UNC80: variants seen among roughly 807,000 people sequenced by gnomAD.
The protein encoded by UNC80 is unc-80 subunit of NALCN channel complex, also known as protein unc-80 homolog.
A neutral mutation model predicts 384.6 loss-of-function variants in UNC80; 164 were observed. The ratio of observed to expected loss-of-function variants is 0.43; its 90% CI spans 0.38 to 0.49. The LOEUF (loss-of-function observed/expected upper bound fraction) is 0.49, where lower values mean the gene tolerates loss of function less well. Among genes scored for constraint, UNC80 ranks in the 20% least tolerant of loss-of-function variants. The pLI, the probability that UNC80 is intolerant of heterozygous loss-of-function variation, is 0.00. For missense variants in UNC80, 3,330 were observed against 4,143.0 expected, an observed-to-expected ratio of 0.80 and a Z score of 5.39; for synonymous variants, 1,486 against 1,527.8, an observed-to-expected ratio of 0.97 and a Z score of 0.64.
intron 21 of UNC80, among the ~76,000 whole-genome samples, chr2:209,846,319 CT>C (rs1322070842): frequency 6.6e-6 from 1 of 152,008 alleles, no homozygotes; most frequent in Non-Finnish European, 1.5e-5. Flanking sequence ...TCAGCTTTTT[CT>C]TTTGTGTTTT....
At chr2:209,901,249 G>A (rs1259556067) in intron 28 of UNC80, among the ~76,000 whole-genome samples, 1 of 152,174 alleles carries the variant, frequency 6.6e-6, no homozygotes, top group East Asian at 1.9e-4. Context: ...TCTCTTGTTA[G>A]GGGTTAATGC....
chr2:209,903,316 TTA>T (rs774307261), intron 28 of UNC80, among the ~76,000 whole-genome samples: 15 of 73,558 alleles, frequency 2.0e-4, no homozygotes, highest in East Asian at 9.0e-4. Flanking sequence ...ATATATTATA[TTA>T]TATGTGTGTG....
chr2:209,932,991 A>G (rs1373008858), intron 38 of UNC80, among the ~76,000 whole-genome samples: 3 of 152,184 alleles, frequency 2.0e-5, no homozygotes, highest in African/African-American at 7.2e-5. Context: ...CATAACTACA[A>G]AGTTTTCCAG....
At chr2:209,871,974 A>T (rs556462059) in intron 22 of UNC80, among the ~76,000 whole-genome samples, 1 of 145,556 alleles carries the variant, frequency 6.9e-6, no homozygotes, top group African/African-American at 2.5e-5. Flanking sequence ...TGACAAAATA[A>T]AAAAAAAAAG....
chr2:209,986,084 G>T (rs1345731753), intron 61 of UNC80, among the ~76,000 whole-genome samples: 1 of 152,166 alleles, frequency 6.6e-6, no homozygotes, highest in Admixed American at 6.5e-5. Context: ...CAGGAGCTTT[G>T]GGGGCAAGGA....
intron 22 of UNC80, among the ~76,000 whole-genome samples, chr2:209,871,972 T>TA (rs376722294): frequency 2.1e-3 from 308 of 144,296 alleles, no homozygotes; most frequent in South Asian, 0.012. Context: ...TATGACAAAA[T>TA]AAAAAAAAAA....
At chr2:209,830,499 C>G (rs1188611529) in intron 15 of UNC80, among the ~76,000 whole-genome samples, 2 of 152,072 alleles carry the variant, frequency 1.3e-5, no homozygotes, top group African/African-American at 4.8e-5. Context: ...CATCCCCTGT[C>G]AATTGGCATA....
chr2:209,817,750 A>G (rs2079846983), intron 10 of UNC80, 62 bp from the exon 11 acceptor site: 1 of 1,541,476 alleles, frequency 6.5e-7, no homozygotes, highest in Admixed American at 2.0e-5. Flanking sequence ...GAAAGACAAT[A>G]TCTTGGCAGA....
rs1267256792 is a variant in UNC80 at position 209,772,103 on chromosome 2, G to A, written c.31G>A (p.Glu11Lys). 2 of 1,549,528 alleles carry A rather than the reference G, an allele frequency of 1.3e-6. No homozygotes were observed. The highest frequency in any genetic ancestry group is 2.4e-5 in the South Asian group (2 of 84,012). ...GAAGAGGAAGAGCTCCGAGGGCCAG[G>A]AGCAGGACGGCGGCCGCGGCATCCC... is the stretch of plus-strand genomic sequence containing the variant. MVKRKSSEGQ[E>K]QDGGRGIPLP... is the part of the protein sequence containing the mutation. The change falls in exon 1 of 65, where the codon GAG becomes AAG. Residue 11 changes from glutamate to lysine, a missense_variant. Physicochemically the swap from Glu to Lys is moderately conservative, Grantham distance 56. Coordinates refer to ENST00000673920, the MANE Select transcript of UNC80 (RefSeq NM_001371986.1).
intron 7 of UNC80, among the ~76,000 whole-genome samples, chr2:209,799,083 G>C (rs993703113): frequency 1.7e-4 from 2 of 11,734 alleles, no homozygotes; most frequent in Non-Finnish European, 7.0e-4. Context: ...AATAAAATAA[G>C]TGTTTTTTTT....
chr2:209,837,919 C>T (rs1326649649), intron 18 of UNC80, among the ~76,000 whole-genome samples: 1 of 151,934 alleles, frequency 6.6e-6, no homozygotes, highest in South Asian at 2.1e-4. Context: ...CTACAGGCGC[C>T]CGCCACCGCA....
chr2:209,846,300 A>G (rs1320421056), intron 21 of UNC80, among the ~76,000 whole-genome samples: 3 of 152,146 alleles, frequency 2.0e-5, no homozygotes, highest in African/African-American at 7.2e-5. Flanking sequence ...TTGAAATTAC[A>G]TTCAGAAATC....
At chr2:209,914,481 G>A (rs2089287643) in intron 31 of UNC80, among the ~76,000 whole-genome samples, 1 of 152,152 alleles carries the variant, frequency 6.6e-6, no homozygotes, top group Non-Finnish European at 1.5e-5. Context: ...CAAAATACAC[G>A]TGATAAAAAT....
At chr2:209,815,428 A>T (rs2079662666) in intron 9 of UNC80, 37 bp downstream of exon 9, 1 of 1,537,208 alleles carries the variant, frequency 6.5e-7, no homozygotes, top group East Asian at 2.5e-5. Context: ...ATATTTTGGT[A>T]AATAAAAAAT....
intron 47 of UNC80, among the ~76,000 whole-genome samples, chr2:209,947,821 A>G (rs1214157405): frequency 6.6e-6 from 1 of 152,312 alleles, no homozygotes; most frequent in East Asian, 1.9e-4. Flanking sequence ...TATCACATCT[A>G]CATAACTACC....
chr2:209,803,774 T>C (rs7605577), intron 7 of UNC80, among the ~76,000 whole-genome samples: 3,028 of 152,186 alleles, frequency 0.02, 116 homozygotes, highest in African/African-American at 0.069. Flanking sequence ...ACTCTGCCAC[T>C]GAGACTGGAG....
At position 209,789,634 on chromosome 2, in the gene UNC80, G is replaced by A. The variant is rs766169286; in HGVS notation, c.798+29G>A. ...AGTTTATTATAATCATAAGAAGAAG[G>A]GAGGCAGAAAGTCCTTGGACATAGT... is the stretch of plus-strand genomic sequence containing the variant. On this transcript the variant is annotated intron_variant, in intron 6 of 64. Coordinates refer to ENST00000673920, the MANE Select transcript of UNC80 (RefSeq NM_001371986.1). 138 of 1,519,606 alleles carry A rather than the reference G, an allele frequency of 9.1e-5. 6 individuals carry two copies. The South Asian group carries it at 1.1e-3, about 12-fold the overall frequency. 94.1% of individuals were successfully genotyped at this position (1,519,606 alleles called of 1,614,324 possible).
chr2:209,968,290 G>A (rs562737357), intron 52 of UNC80: 4 of 152,146 alleles, frequency 2.6e-5, no homozygotes, highest in Non-Finnish European at 5.9e-5. Flanking sequence ...TAGTGATAGT[G>A]AGCAGATAGT....
chr2:209,866,457 G>A (rs576448790), intron 22 of UNC80, among the ~76,000 whole-genome samples: 24 of 135,724 alleles, frequency 1.8e-4, no homozygotes, highest in South Asian at 5.3e-4. Context: ...TACCAAAGAT[G>A]CTGATAAACA....
Sources: gnomAD v4.1 joint callset for allele counts (sites outside exome capture counted in the v4.1 genomes callset) on GRCh38, gnomAD v4.1.1 for gene constraint, MANE v1.5 for transcripts, NCBI Gene and HGNC (gene_info 2026-07-23, HGNC 2026-07-21) for gene names.